Variants in CFAP57 observed in about 807,000 individuals in gnomAD.
The protein encoded by CFAP57 is cilia and flagella associated protein 57.
In CFAP57, 116 loss-of-function variants were observed where a neutral mutation model predicts 146.8. That is an observed-to-expected ratio of 0.79 (90% confidence interval 0.68 to 0.92). The LOEUF is 0.92. Ranked by LOEUF, CFAP57 falls within the 40% of genes least tolerant of loss-of-function variation. The probability of loss-of-function intolerance (pLI) is 0.00; values close to 1 mark genes in which losing one functional copy is unlikely to be tolerated. For synonymous variants in CFAP57, 518 were observed against 552.8 expected (o/e 0.94, Z 0.88); for missense variants, 1,377 against 1,527.2 (o/e 0.90, Z 1.64).
Position 43,201,261 on chromosome 1 carries a change from G to A in CFAP57, c.1542+1758G>A, listed in dbSNP as rs1438476706. On this transcript the variant is annotated intron_variant, in intron 9 of 22. Transcript: ENST00000372492. This position sits in a 1 kb window ranked among gnomAD's most constrained non-coding sequence, Gnocchi z 4.4. ...AGAGACTGGTGAAAGAAGAGGAGCC[G>A]ATGAAAGACTGAAAATAAAGATACA... Among the ~76,000 whole-genome samples the A allele has an allele frequency of 3.9e-5, 6 of 152,108 alleles. No individual in the cohort carries two copies. Among genetic ancestry groups the A allele is most frequent in the Non-Finnish European group, 8.8e-5 (6 of 68,020 alleles).
chr1:43,219,400 C>A lies in CFAP57; in HGVS notation c.2110C>A (p.Leu704Ile), dbSNP rs1423496932. The change falls in exon 13 of 23, where the codon CTA (leucine) becomes ATA (isoleucine). Residue 704 changes from leucine to isoleucine, a missense_variant. By Grantham distance (5) the Leu-to-Ile change is conservative. Transcript: ENST00000372492. ...CCCAAAGGCTCAGGTTATGTTGGAG[C>A]TAAAGACTCGTGTGGAGGAATTAAA... ...MEEKAQVMLE[L>I]KTRVEELKME... 6.4e-7 allele frequency: 1 copy of A among 1,550,392 alleles called. No individual in the cohort carries two copies. Among genetic ancestry groups the A allele is most frequent in the African/African-American group, 1.4e-5 (1 of 73,016 alleles).
chr1:43,175,905 C>A (rs1277220828), intron 2 of CFAP57, among the ~76,000 whole-genome samples: 1 of 149,450 alleles, frequency 6.7e-6, no homozygotes, highest in Non-Finnish European at 1.5e-5. Flanking sequence ...AGATGTATCT[C>A]GTAGTTCATT....
rs1175582240 is a variant in CFAP57 at position 43,186,383 on chromosome 1, G to A, written c.970-324G>A. On this transcript the variant is annotated intron_variant, in intron 5 of 22. Coordinates refer to ENST00000372492, the MANE Select transcript of CFAP57 (RefSeq NM_001378189.1). ...TCCCAGCACTTTGGAAGGCCGAGGC[G>A]GGCGGATCATGAGGTCAGGAGATCG... 6.6e-5 allele frequency among the ~76,000 whole-genome samples: 10 copies of A among 152,046 alleles called. No homozygotes were observed. The East Asian group carries it at 7.8e-4, about 12-fold the overall frequency.
chr1:43,237,764 C>T (rs533301087), intron 21 of CFAP57, among the ~76,000 whole-genome samples: 1 of 152,242 alleles, frequency 6.6e-6, no homozygotes, highest in Admixed American at 6.5e-5. Context: ...TGGAGAAGAA[C>T]CCACTGAAAT....
chr1:43,217,259 C>A (rs537023867), intron 12 of CFAP57, among the ~76,000 whole-genome samples: 1 of 152,246 alleles, frequency 6.6e-6, no homozygotes, highest in East Asian at 1.9e-4. Flanking sequence ...AAGGACCATT[C>A]ATAAATTTAA....
chr1:43,222,942 A>C lies in CFAP57; in HGVS notation c.2651A>C (p.Asp884Ala), dbSNP rs138121612. ...IKTKYEKKLR[D>A]EKESNLRLKG... Reference sequence around the variant, plus strand: ...ACCAAGTATGAGAAAAAGCTTCGGGATGAAAAGGAATCAAACCTGCGGCTC... The same window carrying C: ...ACCAAGTATGAGAAAAAGCTTCGGGCTGAAAAGGAATCAAACCTGCGGCTC... The change falls in exon 16 of 23, where the codon GAT becomes GCT. Residue 884 changes from aspartate (D) to alanine (A), a missense_variant. Physicochemically the swap from Asp to Ala is moderately radical, Grantham distance 126. Transcript: ENST00000372492. 419 of 1,550,522 alleles carry C rather than the reference A, an allele frequency of 2.7e-4. 6 individuals are homozygous for C. In the East Asian group the frequency reaches 0.01, roughly 37 times the overall value.
chr1:43,236,951 A>T (rs1645729582), intron 21 of CFAP57, among the ~76,000 whole-genome samples: 1 of 151,720 alleles, frequency 6.6e-6, no homozygotes, highest in South Asian at 2.1e-4. Flanking sequence ...TCATCCAAGC[A>T]AAGGACCTAT....
At position 43,254,213 on chromosome 1, in the gene CFAP57, C is replaced by T; in HGVS notation, c.*22C>T. ...CTGACCCCCTCTGGTGAGCCATCTC[C>T]AGCCACAGCCAGAAGAAACACAGCA... On this transcript the variant is annotated 3_prime_UTR_variant, in exon 23 of 23. Coordinates refer to ENST00000372492, the MANE Select transcript of CFAP57 (RefSeq NM_001378189.1). The T allele has an allele frequency of 6.5e-7, 1 of 1,530,072 alleles. No individual in the cohort carries two copies. Among genetic ancestry groups the T allele is most frequent in the Non-Finnish European group, 8.8e-7 (1 of 1,135,012 alleles). 94.8% of individuals were successfully genotyped at this position (1,530,072 alleles called of 1,614,324 possible).
chr1:43,231,075 A>G (rs142078616), intron 18 of CFAP57, among the ~76,000 whole-genome samples: 1,878 of 152,132 alleles, frequency 0.012, 21 homozygotes, highest in Non-Finnish European at 0.016. Context: ...GTCCCTCACT[A>G]TTGCTCTCCT....
intron 22 of CFAP57, among the ~76,000 whole-genome samples, chr1:43,247,020 C>A (rs966585413): frequency 6.6e-6 from 1 of 152,132 alleles, no homozygotes; most frequent in Non-Finnish European, 1.5e-5. Context: ...GATCTAAAAC[C>A]AACACAAACT....
At chr1:43,187,288 T>G (rs1044177166) in intron 6 of CFAP57, among the ~76,000 whole-genome samples, 2 of 152,144 alleles carry the variant, frequency 1.3e-5, no homozygotes, top group Non-Finnish European at 2.9e-5. Flanking sequence ...CTATTAAAGA[T>G]AGAGATCATA....
At chr1:43,198,791 T>G in intron 8 of CFAP57, 145 bp downstream of exon 8, 8 of 810,368 alleles carry the variant, frequency 9.9e-6, no homozygotes, top group Non-Finnish European at 1.6e-5. Flanking sequence ...AAGGAGGAAA[T>G]CCAGTTATTT....
intron 22 of CFAP57, among the ~76,000 whole-genome samples, chr1:43,243,563 T>A (rs1646006560): frequency 6.6e-6 from 1 of 152,220 alleles, no homozygotes; most frequent in Non-Finnish European, 1.5e-5. Flanking sequence ...CACAGTCCCC[T>A]GGCTGACATC....
intron 6 of CFAP57, among the ~76,000 whole-genome samples, chr1:43,196,992 G>T (rs1643890818): frequency 6.6e-6 from 1 of 152,116 alleles, no homozygotes; most frequent in Non-Finnish European, 1.5e-5. Flanking sequence ...GCAGAGGAAG[G>T]GTTAAATTAA....
At chr1:43,229,204 G>C (rs918217833) in intron 18 of CFAP57, among the ~76,000 whole-genome samples, 17 of 149,162 alleles carry the variant, frequency 1.1e-4, no homozygotes, top group African/African-American at 4.2e-4. Context: ...TTTGTCAGCT[G>C]CATTTCAGGT....
At chr1:43,252,351 C>G (rs962072560) in intron 22 of CFAP57, among the ~76,000 whole-genome samples, 1 of 151,960 alleles carries the variant, frequency 6.6e-6, no homozygotes, top group Admixed American at 6.5e-5. Flanking sequence ...AATTTCTAAC[C>G]AAAAGTCCCT....
intron 22 of CFAP57, 112 bp from the exon 23 acceptor site, chr1:43,253,865 C>G: frequency 4.3e-6 from 4 of 935,626 alleles, no homozygotes; most frequent in Non-Finnish European, 6.5e-6. Flanking sequence ...GGATTGAGTG[C>G]TCCACAGTAG....
chr1:43,218,961 A>G (rs1644942230), intron 12 of CFAP57, among the ~76,000 whole-genome samples: 2 of 152,224 alleles, frequency 1.3e-5, no homozygotes, highest in Admixed American at 1.3e-4. Flanking sequence ...TGATGGGGAA[A>G]GAAGAATAAA....
At chr1:43,196,236 G>A (rs1036265479) in intron 6 of CFAP57, among the ~76,000 whole-genome samples, 4 of 152,202 alleles carry the variant, frequency 2.6e-5, no homozygotes, top group African/African-American at 9.6e-5. Flanking sequence ...AGGGGGAAGA[G>A]AGAGCATTGC....
Sources: gnomAD v4.1 joint callset for allele counts (sites outside exome capture counted in the v4.1 genomes callset) on GRCh38, gnomAD v4.1.1 for gene constraint, Gnocchi (gnomAD v3.1) non-coding constraint, MANE v1.5 for transcripts, NCBI Gene and HGNC (gene_info 2026-07-23, HGNC 2026-07-21) for gene names.